Variants in CTTNBP2NL observed in about 807,000 individuals in gnomAD.
CTTNBP2NL encodes CTTNBP2 N-terminal like.
Under a neutral mutation model 32.5 loss-of-function variants are expected in CTTNBP2NL, and 16 were observed. That is an observed-to-expected ratio of 0.49 (90% CI 0.33 to 0.75). CTTNBP2NL has a LOEUF of 0.75. Among genes scored for constraint, CTTNBP2NL ranks in the 30% least tolerant of loss-of-function variants. CTTNBP2NL has a pLI of 0.02. For synonymous variants in CTTNBP2NL, 298 were observed against 289.4 expected, an observed-to-expected ratio of 1.03 and a Z score of -0.30; for missense variants, 645 against 756.0, an observed-to-expected ratio of 0.85 and a Z score of 1.72.
intron 3 of CTTNBP2NL, among the ~76,000 whole-genome samples, chr1:112,448,004 A>G (rs1306056476): frequency 6.6e-6 from 1 of 152,220 alleles, no homozygotes; most frequent in Non-Finnish European, 1.5e-5. Flanking sequence ...GGAGTTCTTC[A>G]AGCTCTTCCT....
chr1:112,436,046 A>G (rs1289860693), intron 3 of CTTNBP2NL, among the ~76,000 whole-genome samples: 1 of 124,958 alleles, frequency 8.0e-6, no homozygotes, highest in African/African-American at 3.2e-5. Flanking sequence ...TTCTCCTGTG[A>G]TTTTTTTTTT....
intron 1 of CTTNBP2NL, among the ~76,000 whole-genome samples, chr1:112,398,211 G>A (rs1020409866): frequency 6.6e-6 from 1 of 152,144 alleles, no homozygotes; most frequent in Non-Finnish European, 1.5e-5. Flanking sequence ...ATAGGAAAAA[G>A]CAAATAATAT....
At chr1:112,417,700 A>C (rs1649105735) in intron 3 of CTTNBP2NL, among the ~76,000 whole-genome samples, 1 of 152,240 alleles carries the variant, frequency 6.6e-6, no homozygotes, top group Non-Finnish European at 1.5e-5. Flanking sequence ...CTTCACCAGA[A>C]GTGACATATC....
intron 3 of CTTNBP2NL, among the ~76,000 whole-genome samples, chr1:112,426,837 C>T (rs1307284179): frequency 6.6e-6 from 1 of 152,070 alleles, no homozygotes; most frequent in African/African-American, 2.4e-5. Context: ...AACTCCTGAC[C>T]TCAAGTGATC....
At chr1:112,402,291 G>A (rs1050189788) in intron 1 of CTTNBP2NL, among the ~76,000 whole-genome samples, 19 of 152,138 alleles carry the variant, frequency 1.2e-4, no homozygotes, top group Non-Finnish European at 2.2e-4. Context: ...GTTAGCACAT[G>A]CCTGTAATCC....
intron 3 of CTTNBP2NL, among the ~76,000 whole-genome samples, chr1:112,439,555 G>A (rs1464087138): frequency 6.6e-6 from 1 of 152,028 alleles, no homozygotes; most frequent in African/African-American, 2.4e-5. Flanking sequence ...CTTGTTTACT[G>A]AGCTCTTTTA....
chr1:112,405,350 T>C (rs1307086297), intron 1 of CTTNBP2NL, among the ~76,000 whole-genome samples: 1 of 152,176 alleles, frequency 6.6e-6, no homozygotes, highest in Non-Finnish European at 1.5e-5. Flanking sequence ...CAGGCTGTAG[T>C]GCAGTGGTGC....
At chr1:112,416,348 C>A in intron 3 of CTTNBP2NL, 84 bp downstream of exon 3, 1 of 736,088 alleles carries the variant, frequency 1.4e-6, no homozygotes, top group Admixed American at 2.8e-5. Context: ...TAAGGTATTT[C>A]TGCAGTTTCC....
At chr1:112,421,567 C>T (rs1649232219) in intron 3 of CTTNBP2NL, among the ~76,000 whole-genome samples, 1 of 148,002 alleles carries the variant, frequency 6.8e-6, no homozygotes, top group South Asian at 2.1e-4. Flanking sequence ...TCCCAAAGTG[C>T]TGGGATTACA....
intron 3 of CTTNBP2NL, among the ~76,000 whole-genome samples, chr1:112,436,928 G>A (rs1224966610): frequency 2.0e-5 from 3 of 152,088 alleles, no homozygotes; most frequent in Admixed American, 2.0e-4. Flanking sequence ...ATTTGGTAAG[G>A]ATGATGGCTT....
At chr1:112,410,719 T>C (rs1175630) in intron 1 of CTTNBP2NL, among the ~76,000 whole-genome samples, 134,433 of 152,188 alleles carry the variant, frequency 0.88, 59,517 homozygotes, top group East Asian at 1. Context: ...ATGATCTTGC[T>C]CTTCGGAGTT....
At chr1:112,432,119 G>A (rs1301507422) in intron 3 of CTTNBP2NL, among the ~76,000 whole-genome samples, 3 of 138,950 alleles carry the variant, frequency 2.2e-5, no homozygotes, top group South Asian at 2.3e-4. Context: ...TTTCACCCAG[G>A]CTGGAGTGCA....
Position 112,453,708 on chromosome 1 carries a change from T to G in CTTNBP2NL, c.331-741T>G, listed in dbSNP as rs949753579. 2.0e-5 allele frequency among the ~76,000 whole-genome samples: 3 copies of G among 152,090 alleles called. No individual in the cohort carries two copies. In the East Asian group the frequency reaches 5.8e-4, roughly 29 times the overall value. On this transcript the variant is annotated intron_variant, in intron 4 of 5. Coordinates refer to ENST00000271277, the MANE Select transcript of CTTNBP2NL (RefSeq NM_018704.3). The stretch of plus-strand genomic sequence containing the variant: ...GGCCAAGGCAGCAGTGAGCCATGAT[T>G]GCACTACTACAGTCCAGCCTGGGTG...
intron 3 of CTTNBP2NL, among the ~76,000 whole-genome samples, chr1:112,443,500 C>T (rs772819112): frequency 2.6e-5 from 4 of 152,160 alleles, no homozygotes; most frequent in Non-Finnish European, 5.9e-5. Context: ...AGGTGTGAGT[C>T]ACCACACCTG....
intron 3 of CTTNBP2NL, among the ~76,000 whole-genome samples, chr1:112,447,126 T>C (rs1207377295): frequency 2.6e-5 from 4 of 151,710 alleles, no homozygotes; most frequent in Non-Finnish European, 5.9e-5. Flanking sequence ...ATACAAAAAT[T>C]AGCCGGGCGT....
intron 1 of CTTNBP2NL, among the ~76,000 whole-genome samples, chr1:112,410,342 G>A (rs2483330): frequency 0.047 from 7,055 of 150,344 alleles, 515 homozygotes; most frequent in African/African-American, 0.16. Flanking sequence ...CGGTGATCAA[G>A]ATCGTGCCAT....
chr1:112,440,267 A>G (rs1281627578), intron 3 of CTTNBP2NL, among the ~76,000 whole-genome samples: 1 of 152,212 alleles, frequency 6.6e-6, no homozygotes, highest in Non-Finnish European at 1.5e-5. Context: ...CATTTTGTAT[A>G]TTTGATGTTA....
At chr1:112,425,297 C>T (rs940945974) in intron 3 of CTTNBP2NL, among the ~76,000 whole-genome samples, 10 of 151,790 alleles carry the variant, frequency 6.6e-5, no homozygotes, top group African/African-American at 2.4e-4. Flanking sequence ...ATGGTGAAAC[C>T]CCGTCTCTAC....
intron 1 of CTTNBP2NL, among the ~76,000 whole-genome samples, chr1:112,403,491 G>A (rs911303632): frequency 2.0e-5 from 3 of 152,246 alleles, no homozygotes; most frequent in Non-Finnish European, 4.4e-5. Flanking sequence ...TTGTGAGACA[G>A]AAGACAGATA....
Sources: allele counts gnomAD v4.1 joint callset (sites outside exome capture counted in the v4.1 genomes callset), GRCh38; gene constraint gnomAD v4.1.1; transcripts MANE v1.5; gene names NCBI Gene and HGNC (gene_info 2026-07-23, HGNC 2026-07-21).